The following NLRC5 variants were observed in gnomAD, a reference collection of about 807,000 sequenced individuals.
NLRC5 encodes the protein NLR family CARD domain containing 5, also known as protein NLRC5.
Under a neutral mutation model 206.9 loss-of-function variants are expected in NLRC5, and 114 were observed. The observed-to-expected ratio is 0.55, with a 90% CI of 0.47 to 0.64. The LOEUF (loss-of-function observed/expected upper bound fraction) is 0.64, where lower values mean the gene tolerates loss of function less well. Among genes scored for constraint, NLRC5 ranks in the 30% least tolerant of loss-of-function variants. NLRC5 has a pLI of 0.00. For synonymous variants in NLRC5, 952 were observed against 962.8 expected, an observed-to-expected ratio of 0.99 and a Z score of 0.21; for missense variants, 2,008 against 2,305.5, an observed-to-expected ratio of 0.87 and a Z score of 2.64.
At position 57,021,003 on chromosome 16, in the gene NLRC5, T is replaced by C. The variant is rs759500634; in HGVS notation, c.291T>C (p.Asp97=). The C allele has an allele frequency of 2.5e-5, 40 of 1,613,030 alleles. No homozygotes were observed. The Admixed American group carries it at 6.5e-4, about 26-fold the overall frequency. The change falls in exon 3 of 49, where the codon GAT becomes GAC. Residue 97 remains aspartate, a synonymous_variant. Coordinates refer to ENST00000688547, the MANE Select transcript of NLRC5 (RefSeq NM_001384950.1). The stretch of plus-strand genomic sequence containing the variant: ...TGCTGCTGAGTACTTTTGGCTATGA[T>C]GATGGTAAGGGCAGGTGTGAGAGAC... ...EVLLLSTFGY[D]DGFTSQLGAE...
intron 1 of NLRC5, among the ~76,000 whole-genome samples, chr16:57,015,565 A>C (rs1367589888): frequency 6.6e-6 from 1 of 151,800 alleles, no homozygotes; most frequent in Non-Finnish European, 1.5e-5. Flanking sequence ...CAGCCTGGGC[A>C]ACATAGAAAG....
rs771884942 is a variant in NLRC5 at position 57,025,616 on chromosome 16, G to A, written c.673G>A (p.Val225Met). 49 of 1,614,072 alleles carry A rather than the reference G, an allele frequency of 3.0e-5. No individual in the cohort carries two copies. The highest frequency in any genetic ancestry group is 3.7e-5 in the Non-Finnish European group (44 of 1,180,038). Reference protein sequence around the residue: ...TRVNKGPRVTVLLGKAGMGKT... With the variant: ...TRVNKGPRVTMLLGKAGMGKT... ...GGTTAACAAGGGCCCGAGGGTGACC[G>A]TGCTTTTGGGGAAGGCTGGCATGGG... The change falls in exon 6 of 49, where the codon GTG becomes ATG. Residue 225 changes from valine to methionine, a missense_variant. Coordinates refer to ENST00000688547, the MANE Select transcript of NLRC5 (RefSeq NM_001384950.1).
At chr16:57,015,925 CAAAAAAAAAAAAA>C (rs35216159) in intron 1 of NLRC5, among the ~76,000 whole-genome samples, 1 of 39,664 alleles carries the variant, frequency 2.5e-5, no homozygotes, top group Non-Finnish European at 4.8e-5. Flanking sequence ...AACTCCATCT[CAAAAAAAAAAAAA>C]AAAAAAAAAA....
In NLRC5 at chr16:57,077,396, A is replaced by T. The variant is rs775396036; in HGVS notation, c.4919+17A>T. The T allele has an allele frequency of 6.2e-7, 1 of 1,607,862 alleles. No homozygotes were observed. The highest frequency in any genetic ancestry group is 1.7e-5 in the Admixed American group (1 of 59,970). ...GAAGATAGAGTGAGTAGCCAGCCCT[A>T]CAGAGGAGGGCCACAGGGGTCACAC... On this transcript the variant is annotated intron_variant, in intron 41 of 48. Transcript: ENST00000688547.
chr16:57,050,503 G>C (rs1302288743), intron 23 of NLRC5, among the ~76,000 whole-genome samples: 2 of 152,186 alleles, frequency 1.3e-5, no homozygotes, highest in African/African-American at 2.4e-5. Flanking sequence ...GGAACAGAAA[G>C]AGAGGAAGGG....
intron 1 of NLRC5, among the ~76,000 whole-genome samples, chr16:57,001,411 C>T (rs1483895792): frequency 6.6e-6 from 1 of 152,134 alleles, no homozygotes. Context: ...TAATCTAATC[C>T]TCAAGAGGCA....
At chr16:57,001,542 G>T (rs1287570059) in intron 1 of NLRC5, among the ~76,000 whole-genome samples, 1 of 152,210 alleles carries the variant, frequency 6.6e-6, no homozygotes, top group Non-Finnish European at 1.5e-5. Flanking sequence ...CGGAAGAAGC[G>T]ATAGCAACGA....
rs747540303 is a variant in NLRC5 at position 57,061,678 on chromosome 16, A to T, written c.4131A>T (p.Arg1377=). The part of the protein sequence containing the change: ...QLAILLSLVG[R]PAGLFSLRVQ... ...CCATCCTCCTGAGCTTGGTGGGGCG[A>T]CCCGCAGGGCTGTTCAGCCTCAGGT... Residue 1377 remains arginine (R), a synonymous_variant, in exon 32 of 49, where the codon CGA becomes CGT. Transcript: ENST00000688547. 6.2e-7 allele frequency: 1 copy of T among 1,608,100 alleles called. No homozygotes were observed. Among genetic ancestry groups the T allele is most frequent in the Admixed American group, 1.7e-5 (1 of 59,872 alleles).
Position 57,025,943 on chromosome 16 carries a change from G to A in NLRC5, c.1000G>A (p.Gly334Arg). ...CACCCTTTTCTCCCATCTCTGCAAT[G>A]GGACCCTCCTGCCTGGCTGCCGGGT... ...VLTLFSHLCNGTLLPGCRVMA... is the reference protein window; with the variant it reads ...VLTLFSHLCNRTLLPGCRVMA... The change falls in exon 6 of 49, where the codon GGG becomes AGG. Residue 334 changes from glycine (G) to arginine (R), a missense_variant. Coordinates refer to ENST00000688547, the MANE Select transcript of NLRC5 (RefSeq NM_001384950.1). The A allele has an allele frequency of 6.2e-7, 1 of 1,614,158 alleles. No individual in the cohort carries two copies. Among genetic ancestry groups the A allele is most frequent in the Non-Finnish European group, 8.5e-7 (1 of 1,180,036 alleles).
At chr16:57,066,492 G>A (rs115340380) in intron 33 of NLRC5, 42 bp from the exon 34 acceptor site, 2 of 1,590,444 alleles carry the variant, frequency 1.3e-6, no homozygotes, top group Admixed American at 1.7e-5. Context: ...GCCCTCCGGG[G>A]AAGGCTGCCC....
chr16:57,045,076 G>A (rs1433726446), intron 20 of NLRC5, among the ~76,000 whole-genome samples: 4 of 152,000 alleles, frequency 2.6e-5, no homozygotes, highest in African/African-American at 9.7e-5. Flanking sequence ...ATGGTGGGGC[G>A]TTCCTGTAGT....
chr16:57,062,308 G>A, intron 32 of NLRC5: 1 of 383,330 alleles, frequency 2.6e-6, no homozygotes, highest in Middle Eastern at 3.7e-4. Context: ...CTTAGTGTCG[G>A]GTACTACCTA....
chr16:56,998,633 C>T (rs1298818999), intron 1 of NLRC5, among the ~76,000 whole-genome samples: 1 of 152,198 alleles, frequency 6.6e-6, no homozygotes, highest in Non-Finnish European at 1.5e-5. Flanking sequence ...AATTCATGCT[C>T]TTAGCCTCTA....
At chr16:57,017,689 T>C (rs1044603545) in intron 2 of NLRC5, among the ~76,000 whole-genome samples, 2 of 152,212 alleles carry the variant, frequency 1.3e-5, no homozygotes, top group Admixed American at 6.5e-5. Flanking sequence ...AAAAGTACTG[T>C]CAATTACACC....
chr16:57,058,492 C>A, intron 28 of NLRC5: 1 of 389,188 alleles, frequency 2.6e-6, no homozygotes, highest in Non-Finnish European at 4.7e-6. Flanking sequence ...CCTGGTCCAT[C>A]CCGTCCCTGA....
chr16:57,015,994 C>G (rs1443773144), intron 1 of NLRC5, among the ~76,000 whole-genome samples: 1 of 148,830 alleles, frequency 6.7e-6, no homozygotes, highest in Non-Finnish European at 1.5e-5. Context: ...GCAGGCAGAT[C>G]ACTTGAAGTC....
At position 57,078,012 on chromosome 16, in the gene NLRC5, G is replaced by C. The variant is rs752220305; in HGVS notation, c.5073G>C (p.Arg1691Ser). The C allele has an allele frequency of 1.3e-5, 21 of 1,598,962 alleles. No homozygotes were observed. Among genetic ancestry groups the C allele is most frequent in the Non-Finnish European group, 1.8e-5 (21 of 1,169,612 alleles). Residue 1691 changes from arginine to serine, a missense_variant, in exon 43 of 49, where the codon AGG (arginine) becomes AGC (serine). Transcript: ENST00000688547. ...CTCAGGAGCTGCCCCAGCACCTGAG[G>C]GTCCTACAGTGAGTGGCCCCCTGCC... Reference protein sequence around the residue: ...GLAQELPQHLRVLHLPFSHLG... With the variant: ...GLAQELPQHLSVLHLPFSHLG...
intron 10 of NLRC5, among the ~76,000 whole-genome samples, chr16:57,031,024 G>A (rs72780003): frequency 0.071 from 10,769 of 151,946 alleles, 495 homozygotes; most frequent in African/African-American, 0.13. Context: ...TGCTTGAGCC[G>A]TGGAGGTTGA....
At chr16:57,070,941 T>G (rs111295428) in intron 38 of NLRC5, among the ~76,000 whole-genome samples, 92 of 69,384 alleles carry the variant, frequency 1.3e-3, no homozygotes, top group Middle Eastern at 0.01. Context: ...GTGAGTGAGT[T>G]GTGTTGGTGG....
Sources: allele counts gnomAD v4.1 joint callset (sites outside exome capture counted in the v4.1 genomes callset), GRCh38; gene constraint gnomAD v4.1.1; transcripts MANE v1.5; gene names NCBI Gene and HGNC (gene_info 2026-07-23, HGNC 2026-07-21).